PHACTR3: variants seen among roughly 807,000 people sequenced by gnomAD.
PHACTR3 encodes the protein protein phosphatase 1, regulatory subunit 123.
PHACTR3 carries 16 observed loss-of-function variants against 66.8 expected under a neutral mutation model. The observed-to-expected ratio is 0.24, with a 90% CI of 0.16 to 0.36. The LOEUF is 0.36. Ranked by LOEUF, PHACTR3 falls within the 10% of genes least tolerant of loss-of-function variation. The pLI, the probability that PHACTR3 is intolerant of heterozygous loss-of-function variation, is 1.00. For synonymous variants in PHACTR3, 323 were observed against 292.1 expected (o/e 1.11, Z -1.08); for missense variants, 647 against 719.9 (o/e 0.90, Z 1.16).
intron 1 of PHACTR3, among the ~76,000 whole-genome samples, chr20:59,687,735 T>C (rs547652911): frequency 1.3e-5 from 2 of 152,312 alleles, no homozygotes; most frequent in East Asian, 3.9e-4. Flanking sequence ...GACTGGTACC[T>C]GGAACAGATA....
chr20:59,797,072 GTTATT>G (rs751958860), intron 7 of PHACTR3, among the ~76,000 whole-genome samples: 6 of 151,966 alleles, frequency 3.9e-5, no homozygotes, highest in East Asian at 1.9e-4. Context: ...CTCTGGATGG[GTTATT>G]TTGAGTTCAG....
chr20:59,709,521 C>T (rs2037836479), intron 1 of PHACTR3, among the ~76,000 whole-genome samples: 1 of 152,108 alleles, frequency 6.6e-6, no homozygotes, highest in Non-Finnish European at 1.5e-5. Context: ...GTTCTAGATT[C>T]TCTTTTATTT....
At chr20:59,833,960 T>G (rs2042456399) in intron 8 of PHACTR3, among the ~76,000 whole-genome samples, 1 of 152,000 alleles carries the variant, frequency 6.6e-6, no homozygotes, top group Admixed American at 6.6e-5. Context: ...GAACAAGGTG[T>G]TTGGAAATAG....
intron 8 of PHACTR3, among the ~76,000 whole-genome samples, chr20:59,827,712 T>A (rs2042234649): frequency 1.3e-5 from 2 of 151,988 alleles, no homozygotes; most frequent in African/African-American, 2.4e-5. Context: ...CCAGGGGACA[T>A]ATTTCTCCTG....
chr20:59,778,813 G>A (rs2040625513), intron 7 of PHACTR3, among the ~76,000 whole-genome samples: 1 of 152,210 alleles, frequency 6.6e-6, no homozygotes, highest in African/African-American at 2.4e-5. Context: ...CCATGGCGTG[G>A]CTCAGACCTG....
At chr20:59,769,539 C>T (rs765086243) in intron 5 of PHACTR3, among the ~76,000 whole-genome samples, 4 of 152,214 alleles carry the variant, frequency 2.6e-5, no homozygotes, top group Admixed American at 6.5e-5. Flanking sequence ...GTCTCCAAAA[C>T]TGTGAGAGTT....
chr20:59,684,076 A>G (rs941341865), intron 1 of PHACTR3, among the ~76,000 whole-genome samples: 5 of 152,184 alleles, frequency 3.3e-5, no homozygotes, highest in African/African-American at 4.8e-5. Context: ...TTTTTCCTGC[A>G]TGGTTCTAGG....
chr20:59,757,694 A>G (rs816257), intron 4 of PHACTR3, among the ~76,000 whole-genome samples: 99,376 of 152,092 alleles, frequency 0.65, 33,549 homozygotes, highest in Non-Finnish European at 0.73. Flanking sequence ...GGTCACACCT[A>G]TCATTCCAGC....
At chr20:59,726,407 A>G (rs2038561892) in intron 1 of PHACTR3, among the ~76,000 whole-genome samples, 1 of 152,116 alleles carries the variant, frequency 6.6e-6, no homozygotes, top group Non-Finnish European at 1.5e-5. Flanking sequence ...TGCTGGAATC[A>G]CTGCACCACT....
At chr20:59,832,574 G>A (rs966975565) in intron 8 of PHACTR3, among the ~76,000 whole-genome samples, 7 of 152,134 alleles carry the variant, frequency 4.6e-5, no homozygotes, top group Non-Finnish European at 8.8e-5. Flanking sequence ...GGAAGAGTCC[G>A]GAGAGTGTTT....
At chr20:59,687,121 A>G (rs995265068) in intron 1 of PHACTR3, among the ~76,000 whole-genome samples, 2 of 124,776 alleles carry the variant, frequency 1.6e-5, no homozygotes, top group Non-Finnish European at 3.8e-5. Flanking sequence ...GGTGACGGTG[A>G]TAATGATCAT....
intron 1 of PHACTR3, among the ~76,000 whole-genome samples, chr20:59,676,343 G>A (rs2426808): frequency 0.66 from 99,694 of 152,076 alleles, 34,137 homozygotes; most frequent in East Asian, 0.84. Context: ...TGAGTGACAC[G>A]TCTCGGGCAC....
chr20:59,841,647 A>G, intron 11 of PHACTR3, 112 bp downstream of exon 11: 1 of 1,087,414 alleles, frequency 9.2e-7, no homozygotes, highest in Non-Finnish European at 1.3e-6. Flanking sequence ...ATTTAAGGGT[A>G]TACTGCAGTA....
intron 4 of PHACTR3, among the ~76,000 whole-genome samples, chr20:59,764,568 C>T (rs1205580537): frequency 6.6e-6 from 1 of 152,162 alleles, no homozygotes; most frequent in African/African-American, 2.4e-5. Context: ...GCCAAAGTCA[C>T]TCGTCTGTAA....
Position 59,577,722 on chromosome 20 carries a change from G to A in PHACTR3, c.109+105G>A, listed in dbSNP as rs879428667. On this transcript the variant is annotated intron_variant, in intron 1 of 12. Transcript: ENST00000359926. ...CCTCCTGAATCCCTTGCCCTTGGCC[G>A]TTGCGGGTGGCCGGGAGGCCCGCTG... 4.6e-4 allele frequency: 377 copies of A among 818,376 alleles called. 1 individual carries two copies. Among genetic ancestry groups the A allele is most frequent in the Non-Finnish European group, 5.4e-4 (346 of 644,004 alleles). The allele number at this position is 818,376 out of a possible 1,614,324, so 50.7% of individuals were successfully genotyped here. A position where few individuals can be genotyped will look rare whatever the true frequency, so the allele number is the denominator to read the frequency against.
At chr20:59,769,069 A>G (rs2040280664) in intron 5 of PHACTR3, among the ~76,000 whole-genome samples, 1 of 152,222 alleles carries the variant, frequency 6.6e-6, no homozygotes, top group Admixed American at 6.5e-5. Flanking sequence ...TCTCCCTGAC[A>G]GAACATTCTC....
At chr20:59,635,143 C>CTT (rs1325323604) in intron 1 of PHACTR3, among the ~76,000 whole-genome samples, 6,670 of 65,338 alleles carry the variant, frequency 0.1, 339 homozygotes, top group Middle Eastern at 0.14. Context: ...TTCTTTCTTT[C>CTT]TTTCTTTTTC....
chr20:59,782,339 C>T (rs1568816706), intron 7 of PHACTR3, among the ~76,000 whole-genome samples: 1 of 152,132 alleles, frequency 6.6e-6, no homozygotes, highest in Non-Finnish European at 1.5e-5. Context: ...GCAACCTCCA[C>T]CTCCGGAGTT....
intron 7 of PHACTR3, among the ~76,000 whole-genome samples, chr20:59,778,160 A>T (rs902441042): frequency 2.6e-5 from 4 of 152,126 alleles, no homozygotes; most frequent in African/African-American, 9.7e-5. Flanking sequence ...CTTGGCCTCC[A>T]GGCGGTCTCT....
Sources: allele counts gnomAD v4.1 joint callset (sites outside exome capture counted in the v4.1 genomes callset), GRCh38; gene constraint gnomAD v4.1.1; transcripts MANE v1.5; gene names NCBI Gene and HGNC (gene_info 2026-07-23, HGNC 2026-07-21).